The following ADGRG7 variants were observed in gnomAD, a reference collection of about 807,000 sequenced individuals.
ADGRG7 encodes G-protein coupled receptor 128.
ADGRG7 carries 82 observed loss-of-function variants against 88.6 expected under a neutral mutation model. The observed-to-expected ratio is 0.93, with a 90% CI of 0.77 to 1.11. The LOEUF (loss-of-function observed/expected upper bound fraction) is 1.11, where lower values mean the gene tolerates loss of function less well. Among genes scored for constraint, ADGRG7 ranks in the 50% most tolerant of loss-of-function variants. The probability of loss-of-function intolerance (pLI) is 0.00; values close to 1 mark genes in which losing one functional copy is unlikely to be tolerated. For synonymous variants in ADGRG7, 381 were observed against 345.2 expected (o/e 1.10, Z -1.15); for missense variants, 945 against 953.4 (o/e 0.99, Z 0.12).
At chr3:100,670,181 G>T (rs2094956654) in intron 15 of ADGRG7, among the ~76,000 whole-genome samples, 1 of 151,728 alleles carries the variant, frequency 6.6e-6, no homozygotes, top group Admixed American at 6.6e-5. Flanking sequence ...CCAGCCTCTG[G>T]TAACAATCAT....
At chr3:100,635,527 A>G in intron 4 of ADGRG7, 150 bp from the exon 5 acceptor site, 1 of 1,444,838 alleles carries the variant, frequency 6.9e-7, no homozygotes. Context: ...CCTTTACACA[A>G]GGAAGGATGC....
At chr3:100,632,686 G>T (rs1707474141) in intron 3 of ADGRG7, among the ~76,000 whole-genome samples, 1 of 152,100 alleles carries the variant, frequency 6.6e-6, no homozygotes, top group Non-Finnish European at 1.5e-5. Context: ...GCCCAAAGCT[G>T]GTCCTGAGGA....
At position 100,689,824 on chromosome 3, in the gene ADGRG7, G is replaced by A. The variant is rs147315095; in HGVS notation, c.2137-4920G>A. 1.0e-3 allele frequency among the ~76,000 whole-genome samples: 153 copies of A among 152,062 alleles called. 1 individual carries two copies. The highest frequency in any genetic ancestry group is 2.7e-3 in the African/African-American group (114 of 41,474). ...CCCTTAACATTTTTTCCTTCATTTC[G>A]ACTTTGGTGAATTTGACCATTATGT... is the stretch of plus-strand genomic sequence containing the variant. On this transcript the variant is annotated intron_variant, in intron 15 of 15. Transcript: ENST00000273352.
intron 3 of ADGRG7, 96 bp from the exon 4 acceptor site, chr3:100,633,169 T>C (rs1707479307): frequency 3.7e-6 from 2 of 538,364 alleles, no homozygotes; most frequent in South Asian, 8.2e-5. Flanking sequence ...TTTTAATAAA[T>C]TATAACTTTT....
intron 1 of ADGRG7, among the ~76,000 whole-genome samples, chr3:100,615,570 C>G (rs1707213781): frequency 1.3e-5 from 2 of 152,140 alleles, no homozygotes; most frequent in Non-Finnish European, 2.9e-5. Context: ...AGATATGGAC[C>G]AAGACCCTTG....
rs1553689158 is a variant in ADGRG7, at chr3:100,611,244, T to TTTCCTTCTTTCCTTCC, written c.115+1280_115+1281insTTTCCTTCCTTCCTTC. ...CTTCACAAAGTTTTGTTTGTTTGTT[T>TTTCCTTCTTTCCTTCC]TTCCTTCCTTCCTTCCTTCCTTCCT... On this transcript the variant is annotated intron_variant, in intron 1 of 15. Transcript: ENST00000273352. 3.1e-3 allele frequency among the ~76,000 whole-genome samples: 198 copies of TTTCCTTCTTTCCTTCC among 64,870 alleles called. 2 individuals are homozygous for TTTCCTTCTTTCCTTCC. Among genetic ancestry groups the TTTCCTTCTTTCCTTCC allele is most frequent in the East Asian group, 5.1e-3 (11 of 2,150 alleles). The allele number at this position is 64,870 out of a possible 152,430, so 42.6% of individuals were successfully genotyped here.
chr3:100,669,193 T>TA (rs1559686437), intron 15 of ADGRG7, 88 bp downstream of exon 15: 28 of 1,151,092 alleles, frequency 2.4e-5, no homozygotes, highest in East Asian at 8.6e-5. Flanking sequence ...GAGACTATTT[T>TA]AAAAAAATCT....
intron 6 of ADGRG7, among the ~76,000 whole-genome samples, chr3:100,640,658 A>G (rs1707626793): frequency 6.6e-6 from 1 of 152,054 alleles, no homozygotes; most frequent in Non-Finnish European, 1.5e-5. Context: ...AGTAGTTGGG[A>G]TTACAGGCAT....
chr3:100,691,541 C>G (rs568835966), intron 15 of ADGRG7, among the ~76,000 whole-genome samples: 40 of 152,072 alleles, frequency 2.6e-4, no homozygotes, highest in African/African-American at 8.7e-4. Flanking sequence ...CCTTTTTAAA[C>G]ATAAATTATT....
At chr3:100,677,235 T>C (rs951309743) in intron 15 of ADGRG7, among the ~76,000 whole-genome samples, 16 of 152,134 alleles carry the variant, frequency 1.1e-4, no homozygotes, top group Non-Finnish European at 1.5e-5. Flanking sequence ...TTTTTGTGTA[T>C]CTATTGTATG....
At chr3:100,694,714 C>A in intron 15 of ADGRG7, 30 bp from the exon 16 acceptor site, 1 of 1,601,666 alleles carries the variant, frequency 6.2e-7, no homozygotes, top group Non-Finnish European at 8.5e-7. Flanking sequence ...TCAGCACTTA[C>A]CCAACATTAA....
intron 1 of ADGRG7, among the ~76,000 whole-genome samples, chr3:100,612,092 T>C (rs570475952): frequency 6.6e-6 from 1 of 152,268 alleles, no homozygotes; most frequent in East Asian, 1.9e-4. Context: ...TTTTATTGCA[T>C]TCAAAATTTA....
chr3:100,667,386 C>T (rs895386034), intron 14 of ADGRG7, among the ~76,000 whole-genome samples: 2 of 152,102 alleles, frequency 1.3e-5, no homozygotes, highest in Admixed American at 6.5e-5. Flanking sequence ...TCCATGTGCT[C>T]TCATCATTCA....
chr3:100,657,601 T>A (rs2149030313), intron 13 of ADGRG7, among the ~76,000 whole-genome samples: 1 of 152,292 alleles, frequency 6.6e-6, no homozygotes, highest in African/African-American at 2.4e-5. Flanking sequence ...AAGTATTGTT[T>A]TTACACTGAA....
chr3:100,689,957 T>C (rs139300830), intron 15 of ADGRG7, among the ~76,000 whole-genome samples: 102 of 152,324 alleles, frequency 6.7e-4, no homozygotes, highest in Non-Finnish European at 1.0e-3. Flanking sequence ...CTGGATAATA[T>C]ACTGCAGAGT....
At chr3:100,665,583 C>G in intron 14 of ADGRG7, 1 of 366,862 alleles carries the variant, frequency 2.7e-6, no homozygotes, top group South Asian at 2.1e-5. Context: ...ATCATTCTTC[C>G]TATATGAACG....
intron 10 of ADGRG7, among the ~76,000 whole-genome samples, chr3:100,648,456 A>G (rs1008303653): frequency 6.6e-5 from 10 of 152,196 alleles, no homozygotes; most frequent in African/African-American, 2.2e-4. Context: ...TTAAATGTGT[A>G]TTTTGTTTTT....
intron 15 of ADGRG7, among the ~76,000 whole-genome samples, chr3:100,693,542 A>G (rs1031090613): frequency 2.0e-5 from 3 of 152,234 alleles, no homozygotes; most frequent in African/African-American, 7.2e-5. Flanking sequence ...GGGTCTTTCC[A>G]GAGTACCAGA....
At chr3:100,680,288 A>G (rs979749332) in intron 15 of ADGRG7, among the ~76,000 whole-genome samples, 1 of 152,152 alleles carries the variant, frequency 6.6e-6, no homozygotes, top group Non-Finnish European at 1.5e-5. Context: ...ATCCAGCTTT[A>G]TGCACATTGA....
Sources: gnomAD v4.1 joint callset for allele counts (sites outside exome capture counted in the v4.1 genomes callset) on GRCh38, gnomAD v4.1.1 for gene constraint, MANE v1.5 for transcripts, NCBI Gene and HGNC (gene_info 2026-07-23, HGNC 2026-07-21) for gene names.